Variants in SLC8A1 observed in about 807,000 individuals in gnomAD.
SLC8A1 encodes the protein solute carrier family 8 member A1.
A neutral mutation model predicts 68.3 loss-of-function variants in SLC8A1; 18 were observed. The ratio of observed to expected loss-of-function variants is 0.26; its 90% CI spans 0.18 to 0.39. The LOEUF is 0.39. SLC8A1 is among the 10% of genes least tolerant of loss of function. The pLI is 1.00. For synonymous variants in SLC8A1, 475 were observed against 415.5 expected, an observed-to-expected ratio of 1.14 and a Z score of -1.74; for missense variants, 985 against 1,156.7, an observed-to-expected ratio of 0.85 and a Z score of 2.15.
intron 1 of SLC8A1, among the ~76,000 whole-genome samples, chr2:40,482,623 C>T (rs889834599): frequency 1.3e-5 from 2 of 152,074 alleles, no homozygotes; most frequent in Non-Finnish European, 2.9e-5. Context: ...CCTGTGGTCA[C>T]ACAGCTGGTA....
chr2:40,217,005 G>C (rs2057596246), intron 2 of SLC8A1, among the ~76,000 whole-genome samples: 1 of 151,986 alleles, frequency 6.6e-6, no homozygotes, highest in African/African-American at 2.4e-5. Context: ...TAGTTTAATT[G>C]GATCCCATTT....
At chr2:40,320,841 T>G (rs2075095493) in intron 2 of SLC8A1, among the ~76,000 whole-genome samples, 1 of 152,182 alleles carries the variant, frequency 6.6e-6, no homozygotes, top group Non-Finnish European at 1.5e-5. Flanking sequence ...CGACCTCTTC[T>G]TTCCTTGTAG....
At chr2:40,242,314 A>G (rs1033451481) in intron 2 of SLC8A1, among the ~76,000 whole-genome samples, 6 of 152,196 alleles carry the variant, frequency 3.9e-5, no homozygotes, top group African/African-American at 1.4e-4. Context: ...ACAAACTAAA[A>G]CATAAAGATA....
At chr2:40,196,731 T>C (rs926680292) in intron 2 of SLC8A1, among the ~76,000 whole-genome samples, 2 of 152,058 alleles carry the variant, frequency 1.3e-5, no homozygotes, top group Admixed American at 1.3e-4. Context: ...TCTTTCATTA[T>C]CTGTCTCACT....
intron 2 of SLC8A1, among the ~76,000 whole-genome samples, chr2:40,419,925 G>A (rs888509223): frequency 2.6e-5 from 4 of 152,042 alleles, no homozygotes; most frequent in African/African-American, 9.7e-5. Flanking sequence ...CCAATAATTT[G>A]CCGGCAAAAG....
intron 2 of SLC8A1, among the ~76,000 whole-genome samples, chr2:40,185,346 C>T (rs1049268573): frequency 6.6e-6 from 1 of 152,288 alleles, no homozygotes; most frequent in Admixed American, 6.5e-5. Context: ...AACTTAGGTT[C>T]ATCGGCTGAT....
chr2:40,152,535 G>T (rs144873355), intron 6 of SLC8A1, among the ~76,000 whole-genome samples: 164 of 152,082 alleles, frequency 1.1e-3, no homozygotes, highest in African/African-American at 3.7e-3. Context: ...CTCCCTAGCG[G>T]CTGGGATTTC....
intron 3 of SLC8A1, among the ~76,000 whole-genome samples, chr2:40,177,220 A>G (rs1049076390): frequency 1.3e-5 from 2 of 152,200 alleles, no homozygotes; most frequent in African/African-American, 2.4e-5. Context: ...CTACTCTTTA[A>G]GGATCTTTGT....
intron 2 of SLC8A1, among the ~76,000 whole-genome samples, chr2:40,305,556 T>C (rs1422037342): frequency 6.6e-6 from 1 of 152,198 alleles, no homozygotes; most frequent in East Asian, 1.9e-4. Flanking sequence ...GGATTATTAA[T>C]ATTTCAGAGG....
At chr2:40,418,671 G>C (rs1694600207) in intron 2 of SLC8A1, among the ~76,000 whole-genome samples, 1 of 152,162 alleles carries the variant, frequency 6.6e-6, no homozygotes, top group Non-Finnish European at 1.5e-5. Context: ...ACAGCATTAA[G>C]AAGCGAAGTA....
chr2:40,108,895 G>T (rs1034064055), exon 8 of SLC8A1: 1 of 152,094 alleles, frequency 6.6e-6, no homozygotes, highest in Non-Finnish European at 1.5e-5. Flanking sequence ...GCTTCAAGGG[G>T]TCTAATTAAA....
At chr2:40,212,899 G>A (rs1357622400) in intron 2 of SLC8A1, among the ~76,000 whole-genome samples, 1 of 151,364 alleles carries the variant, frequency 6.6e-6, no homozygotes, top group South Asian at 2.1e-4. Context: ...GGGCAACAAA[G>A]CATGTGTGTG....
intron 2 of SLC8A1, among the ~76,000 whole-genome samples, chr2:40,374,165 A>G (rs947733021): frequency 6.6e-6 from 1 of 152,086 alleles, no homozygotes; most frequent in Non-Finnish European, 1.5e-5. Flanking sequence ...CATACAGCTC[A>G]TGAGAAGAGA....
intron 2 of SLC8A1, among the ~76,000 whole-genome samples, chr2:40,198,525 A>G (rs765142585): frequency 6.6e-6 from 1 of 151,974 alleles, no homozygotes. Context: ...AAAAATATTT[A>G]TTGATTTCTT....
chr2:40,330,079 G>C (rs1353854005), intron 2 of SLC8A1, among the ~76,000 whole-genome samples: 3 of 152,184 alleles, frequency 2.0e-5, no homozygotes, highest in Non-Finnish European at 2.9e-5. Context: ...GTAGATGCTA[G>C]ATGCATATCT....
intron 2 of SLC8A1, among the ~76,000 whole-genome samples, chr2:40,242,442 T>G (rs2061346068): frequency 6.6e-6 from 1 of 152,208 alleles, no homozygotes; most frequent in Admixed American, 6.5e-5. Context: ...CTGCCTGTGT[T>G]TATGTTGCTT....
intron 2 of SLC8A1, among the ~76,000 whole-genome samples, chr2:40,366,433 C>T (rs1481071142): frequency 6.6e-6 from 1 of 151,926 alleles, no homozygotes; most frequent in Non-Finnish European, 1.5e-5. Context: ...ATGACAGCTG[C>T]CTGACAAGGC....
intron 2 of SLC8A1, among the ~76,000 whole-genome samples, chr2:40,410,917 A>G (rs958476372): frequency 1.3e-5 from 2 of 152,224 alleles, no homozygotes; most frequent in Non-Finnish European, 1.5e-5. Flanking sequence ...TGCACATAAT[A>G]CCAGCAAATG....
At chr2:40,115,340 G>T in exon 8 of SLC8A1, 1 of 1,614,182 alleles carries the variant, frequency 6.2e-7, no homozygotes, top group Non-Finnish European at 8.5e-7. Flanking sequence ...AGGATGTGAG[G>T]AGCTTGGCAG....
Sources: allele counts gnomAD v4.1 joint callset (sites outside exome capture counted in the v4.1 genomes callset), GRCh38; gene constraint gnomAD v4.1.1; transcripts MANE v1.5; gene names NCBI Gene and HGNC (gene_info 2026-07-23, HGNC 2026-07-21).